Variants in LRP1B observed in about 807,000 individuals in gnomAD.
LRP1B encodes low-density lipoprotein receptor-related protein 1B.
In LRP1B, 217 loss-of-function variants were observed where a neutral mutation model predicts 556.6. The observed-to-expected ratio is 0.39, with a 90% CI of 0.35 to 0.44. The LOEUF is 0.44. Among genes scored for constraint, LRP1B ranks in the 20% least tolerant of loss-of-function variants. The pLI, the probability that LRP1B is intolerant of heterozygous loss-of-function variation, is 1.00. For missense variants in LRP1B, 5,053 were observed against 5,620.8 expected (o/e 0.90, Z 3.23); for synonymous variants, 2,047 against 1,865.8 (o/e 1.10, Z -2.50).
intron 1 of LRP1B, among the ~76,000 whole-genome samples, chr2:142,072,187 G>T (rs927995702): frequency 5.9e-5 from 9 of 151,878 alleles, no homozygotes; most frequent in African/African-American, 1.9e-4. Context: ...ATTCAGGCTT[G>T]TCTCATCCAC....
At chr2:140,996,463 T>G (rs569483164) in intron 15 of LRP1B, among the ~76,000 whole-genome samples, 4 of 152,206 alleles carry the variant, frequency 2.6e-5, no homozygotes, top group African/African-American at 9.6e-5. Flanking sequence ...CTACAAAGCA[T>G]TTGTTTTATA....
At chr2:140,908,678 G>A (rs761853989) in intron 21 of LRP1B, among the ~76,000 whole-genome samples, 1 of 149,400 alleles carries the variant, frequency 6.7e-6, no homozygotes, top group Non-Finnish European at 1.5e-5. Flanking sequence ...CGACTAACAT[G>A]TATAGACGGA....
chr2:140,716,037 G>T lies in LRP1B; in HGVS notation c.5959C>A (p.Arg1987Ser), dbSNP rs753508741. 1.9e-6 allele frequency: 3 copies of T among 1,608,732 alleles called. No individual in the cohort carries two copies. Among genetic ancestry groups the T allele is most frequent in the South Asian group, 2.2e-5 (2 of 90,802 alleles). The part of the protein sequence containing the change: ...IEVARLNGSF[R>S]YVIISQGLDQ... The stretch of plus-strand genomic sequence containing the variant: ...AGGCCTTGGGAAATAATTACATAAC[G>T]GAAAGAACCATTGAGTCTTGCAACT... Residue 1987 changes from arginine to serine, a missense_variant, in exon 37 of 91, where the codon CGT becomes AGT. By Grantham distance (110) the Arg-to-Ser change is moderately radical (BLOSUM62 -1). Around this residue, in one of 5 missense-constraint regions of LRP1B, gnomAD observed 3,619 missense variants for 3,931.9 expected, o/e 0.92. Coordinates refer to ENST00000389484, the MANE Select transcript of LRP1B (RefSeq NM_018557.3).
chr2:141,945,932 A>T (rs13030271), intron 1 of LRP1B, among the ~76,000 whole-genome samples: 12 of 39,984 alleles, frequency 3.0e-4, no homozygotes, highest in Admixed American at 1.1e-3. Context: ...AACCAGCAGG[A>T]TTTATTTATT....
intron 41 of LRP1B, among the ~76,000 whole-genome samples, chr2:140,685,976 G>T (rs896018689): frequency 1.3e-5 from 2 of 152,026 alleles, no homozygotes; most frequent in Non-Finnish European, 2.9e-5. Context: ...AATCACTGTG[G>T]GCTGCAGCGC....
chr2:140,452,514 A>C (rs1283270843), intron 62 of LRP1B, among the ~76,000 whole-genome samples: 3 of 152,136 alleles, frequency 2.0e-5, no homozygotes, highest in African/African-American at 7.2e-5. Context: ...AATTGAAAAC[A>C]TTTCTAAATG....
intron 83 of LRP1B, 118 bp downstream of exon 83, chr2:140,314,817 G>GTGTT: frequency 1.4e-6 from 1 of 697,844 alleles, no homozygotes. Context: ...TTATTATATT[G>GTGTT]TGTTAGTCTA....
chr2:141,560,503 C>G (rs16846475), intron 2 of LRP1B, among the ~76,000 whole-genome samples: 4,276 of 151,670 alleles, frequency 0.028, 219 homozygotes, highest in African/African-American at 0.095. Flanking sequence ...TTCAACTGAT[C>G]CTTTCTCTGG....
chr2:141,099,417 T>C (rs1474924520), intron 7 of LRP1B, among the ~76,000 whole-genome samples: 1 of 152,108 alleles, frequency 6.6e-6, no homozygotes, highest in Non-Finnish European at 1.5e-5. Context: ...GGACAGGACT[T>C]CCTCTAATAT....
intron 3 of LRP1B, among the ~76,000 whole-genome samples, chr2:141,430,022 T>A (rs1680507769): frequency 6.6e-6 from 1 of 152,218 alleles, no homozygotes; most frequent in Non-Finnish European, 1.5e-5. Context: ...CTCTTCACAT[T>A]TGCATCATTC....
At chr2:141,012,730 C>T (rs1697791931) in intron 14 of LRP1B, among the ~76,000 whole-genome samples, 1 of 151,898 alleles carries the variant, frequency 6.6e-6, no homozygotes, top group East Asian at 1.9e-4. Context: ...GTTGTTTTAG[C>T]TGAAATATCT....
Position 140,450,679 on chromosome 2 carries a change from G to GAA in LRP1B, c.9964-20_9964-19dup. On this transcript the variant is annotated intron_variant, in intron 62 of 90. Transcript: ENST00000389484. The stretch of plus-strand genomic sequence containing the variant: ...CAACGAAACTTAAAAAAGAAAAAAA[G>GAA]AAAAAAAAATGTTGAAGAACCCAGT... 2 of 1,546,068 alleles carry GAA rather than the reference G, an allele frequency of 1.3e-6. No homozygotes were observed. Among genetic ancestry groups the GAA allele is most frequent in the Admixed American group, 1.9e-5 (1 of 52,502 alleles).
At chr2:140,573,087 A>G (rs1681391098) in intron 43 of LRP1B, among the ~76,000 whole-genome samples, 1 of 151,826 alleles carries the variant, frequency 6.6e-6, no homozygotes, top group Non-Finnish European at 1.5e-5. Flanking sequence ...ATAGCACTGT[A>G]GGGTGACTAT....
chr2:141,318,855 T>C (rs1687123931), intron 3 of LRP1B, among the ~76,000 whole-genome samples: 2 of 152,260 alleles, frequency 1.3e-5, no homozygotes, highest in African/African-American at 2.4e-5. Flanking sequence ...TTATCAACTA[T>C]ACTAAAAGAG....
rs749925468 is a variant in LRP1B at position 140,335,835 on chromosome 2, G to C, written c.11896C>G (p.Pro3966Ala). The stretch of plus-strand genomic sequence containing the variant: ...ATGTCCCTGGGCCTTTTAAATTCAG[G>C]ACACTACAAGGAAACAAAACAACAC... ...KRQANSGLIC[P>A]EFKRPRDIAV... is the part of the protein sequence containing the mutation. Residue 3966 changes from proline (P) to alanine (A), a missense_variant, in exon 78 of 91, where the codon CCT becomes GCT. This residue lies in a region of LRP1B where 599 missense variants were observed against 648.4 expected (regional missense o/e 0.92). Transcript: ENST00000389484. 1 of 1,600,582 alleles carries C rather than the reference G, an allele frequency of 6.2e-7. No homozygotes were observed. The highest frequency in any genetic ancestry group is 8.6e-7 in the Non-Finnish European group (1 of 1,169,136).
chr2:141,123,341 C>G (rs1004382175), intron 7 of LRP1B, among the ~76,000 whole-genome samples: 1 of 151,362 alleles, frequency 6.6e-6, no homozygotes, highest in Non-Finnish European at 1.5e-5. Flanking sequence ...TTTTTAGTAA[C>G]TTTTACAATA....
chr2:140,890,538 GATAA>G (rs1297299786), intron 23 of LRP1B, among the ~76,000 whole-genome samples: 3 of 151,880 alleles, frequency 2.0e-5, no homozygotes, highest in African/African-American at 4.8e-5. Flanking sequence ...ACATTTGTTT[GATAA>G]ATATTTACTG....
At chr2:141,578,647 C>G (rs931348929) in intron 2 of LRP1B, among the ~76,000 whole-genome samples, 5 of 152,118 alleles carry the variant, frequency 3.3e-5, no homozygotes, top group African/African-American at 1.2e-4. Flanking sequence ...ACTTCCAAAA[C>G]TAAAATATTT....
chr2:140,666,345 T>A (rs1685275195), intron 41 of LRP1B, among the ~76,000 whole-genome samples: 1 of 150,746 alleles, frequency 6.6e-6, no homozygotes. Flanking sequence ...ACAAATAAAT[T>A]GCCTCCCAAA....
Sources: allele counts gnomAD v4.1 joint callset (sites outside exome capture counted in the v4.1 genomes callset), GRCh38; gene constraint gnomAD v4.1.1; regional missense constraint gnomAD v4.1.1; transcripts MANE v1.5; gene names NCBI Gene and HGNC (gene_info 2026-07-23, HGNC 2026-07-21).